Variants in NEK10 observed in about 807,000 individuals in gnomAD.
NEK10 encodes the protein NIMA related kinase 10.
In NEK10, 122 loss-of-function variants were observed where a neutral mutation model predicts 159.8. The ratio of observed to expected loss-of-function variants is 0.76; its 90% CI spans 0.66 to 0.89. NEK10 has a LOEUF of 0.89. Among genes scored for constraint, NEK10 ranks in the 40% least tolerant of loss-of-function variants. The pLI, the probability that NEK10 is intolerant of heterozygous loss-of-function variation, is 0.00. For synonymous variants in NEK10, 466 were observed against 457.1 expected, an observed-to-expected ratio of 1.02 and a Z score of -0.25; for missense variants, 1,342 against 1,323.1, an observed-to-expected ratio of 1.01 and a Z score of -0.22.
chr3:27,275,903 T>C (rs1449691863), intron 22 of NEK10, among the ~76,000 whole-genome samples: 1 of 152,066 alleles, frequency 6.6e-6, no homozygotes, highest in Non-Finnish European at 1.5e-5. Flanking sequence ...GAAAGTAAAA[T>C]TTTTTCTTTG....
intron 9 of NEK10, chr3:27,309,810 A>G (rs1575685922): frequency 6.6e-6 from 1 of 152,222 alleles, no homozygotes; most frequent in South Asian, 2.1e-4. Context: ...AGATATGAAT[A>G]CTATCGAGCA....
At chr3:27,279,287 G>T (rs1342418089) in intron 22 of NEK10, among the ~76,000 whole-genome samples, 1 of 151,900 alleles carries the variant, frequency 6.6e-6, no homozygotes, top group African/African-American at 2.4e-5. Flanking sequence ...ACATCATTTG[G>T]CAATTCTGTG....
intron 1 of NEK10, among the ~76,000 whole-genome samples, chr3:27,363,428 T>A (rs117337077): frequency 6.6e-6 from 1 of 152,308 alleles, no homozygotes; most frequent in South Asian, 2.1e-4. Context: ...AAAGAGGGAT[T>A]TAATAAATAA....
chr3:27,326,752 C>A (rs1186542061), intron 5 of NEK10, among the ~76,000 whole-genome samples: 1 of 152,148 alleles, frequency 6.6e-6, no homozygotes, highest in African/African-American at 2.4e-5. Context: ...GCGGCCTCTG[C>A]TGCTGTAAAT....
intron 25 of NEK10, among the ~76,000 whole-genome samples, chr3:27,192,657 T>G (rs1029585736): frequency 6.6e-6 from 1 of 152,156 alleles, no homozygotes; most frequent in African/African-American, 2.4e-5. Flanking sequence ...TTCTAAATTC[T>G]TAGACTGCAG....
intron 5 of NEK10, among the ~76,000 whole-genome samples, chr3:27,339,860 A>G (rs1575821987): frequency 6.6e-6 from 1 of 151,868 alleles, no homozygotes; most frequent in Non-Finnish European, 1.5e-5. Context: ...AGGAAACAAC[A>G]GATGCTGGCG....
intron 31 of NEK10, among the ~76,000 whole-genome samples, chr3:27,134,717 T>C (rs991094460): frequency 6.6e-6 from 1 of 152,214 alleles, no homozygotes; most frequent in East Asian, 1.9e-4. Flanking sequence ...TAGAAAGCTA[T>C]TGATCTTACT....
intron 9 of NEK10, chr3:27,310,605 A>G (rs1244227308): frequency 5.2e-6 from 1 of 190,712 alleles, no homozygotes; most frequent in African/African-American, 2.3e-5. Flanking sequence ...ACATATGTAC[A>G]TTTTGTTTAT....
chr3:27,124,075 T>C (rs1941649222), intron 32 of NEK10, among the ~76,000 whole-genome samples: 1 of 151,972 alleles, frequency 6.6e-6, no homozygotes, highest in African/African-American at 2.4e-5. Context: ...CTGGATGTAA[T>C]ACACAAAACA....
chr3:27,278,387 G>A (rs949128046), intron 22 of NEK10, among the ~76,000 whole-genome samples: 11 of 152,188 alleles, frequency 7.2e-5, no homozygotes, highest in African/African-American at 1.7e-4. Flanking sequence ...AATAACAGAC[G>A]TTTTCCCCAT....
chr3:27,314,071 C>A (rs1172035932), intron 7 of NEK10, among the ~76,000 whole-genome samples: 1 of 152,134 alleles, frequency 6.6e-6, no homozygotes, highest in Non-Finnish European at 1.5e-5. Flanking sequence ...TTTCTCATTT[C>A]ATCAGGCTGA....
At chr3:27,115,890 T>C (rs1559472227) in intron 35 of NEK10, 50 bp downstream of exon 35, 8 of 1,310,696 alleles carry the variant, frequency 6.1e-6, no homozygotes, top group Non-Finnish European at 8.8e-6. Context: ...ATCTAACATC[T>C]GATGACCTCA....
chr3:27,334,373 C>T (rs1255965993), intron 5 of NEK10, among the ~76,000 whole-genome samples: 2 of 152,194 alleles, frequency 1.3e-5, no homozygotes, highest in Non-Finnish European at 2.9e-5. Context: ...ACCCTTCTAC[C>T]TGTCCAGCCC....
chr3:27,171,018 T>C (rs1946933231), intron 29 of NEK10, among the ~76,000 whole-genome samples: 1 of 152,106 alleles, frequency 6.6e-6, no homozygotes, highest in Non-Finnish European at 1.5e-5. Context: ...CCATCAAACA[T>C]TCCCCACCAG....
chr3:27,285,006 A>G, intron 20 of NEK10, 45 bp from the exon 21 acceptor site: 1 of 1,491,176 alleles, frequency 6.7e-7, no homozygotes, highest in Non-Finnish European at 9.1e-7. Flanking sequence ...AACTCAATAC[A>G]GGCATCTTGA....
intron 11 of NEK10, 78 bp downstream of exon 11, chr3:27,307,781 G>T: frequency 1.3e-6 from 1 of 755,900 alleles, no homozygotes; most frequent in South Asian, 1.5e-5. Flanking sequence ...TAAATAACAT[G>T]ACGTAATAAA....
chr3:27,264,608 T>A (rs1431211632), intron 22 of NEK10, among the ~76,000 whole-genome samples: 3 of 152,148 alleles, frequency 2.0e-5, no homozygotes, highest in African/African-American at 4.8e-5. Context: ...TAAAAATTAA[T>A]TGGCCAAGCC....
At chr3:27,178,372 A>G (rs1229992643) in intron 26 of NEK10, among the ~76,000 whole-genome samples, 3 of 152,226 alleles carry the variant, frequency 2.0e-5, no homozygotes, top group Admixed American at 6.5e-5. Context: ...AGAAATAAAT[A>G]TAAAGCATAA....
At chr3:27,120,809 C>A (rs565376797) in intron 32 of NEK10, among the ~76,000 whole-genome samples, 2 of 152,090 alleles carry the variant, frequency 1.3e-5, no homozygotes, top group African/African-American at 2.4e-5. Context: ...AGACCGTAAA[C>A]GTTTTTCAAC....
Sources: allele counts gnomAD v4.1 joint callset (sites outside exome capture counted in the v4.1 genomes callset), GRCh38; gene constraint gnomAD v4.1.1; transcripts MANE v1.5; gene names NCBI Gene and HGNC (gene_info 2026-07-23, HGNC 2026-07-21).